ZNF565: variants seen among roughly 807,000 people sequenced by gnomAD.
The protein encoded by ZNF565 is zinc finger protein 565.
A neutral mutation model predicts 39.4 loss-of-function variants in ZNF565; 27 were observed. The observed-to-expected ratio is 0.69, with a 90% CI of 0.51 to 0.95. The LOEUF (loss-of-function observed/expected upper bound fraction) is 0.95. Ranked by LOEUF, ZNF565 falls within the 40% of genes least tolerant of loss-of-function variation. The pLI is 0.00. For synonymous variants in ZNF565, 185 were observed against 216.6 expected (o/e 0.85, Z 1.28); for missense variants, 524 against 621.1 (o/e 0.84, Z 1.66).
In ZNF565 at chr19:36,193,471, C is replaced by T. The variant is rs367554794; in HGVS notation, c.232+762G>A. Among the ~76,000 whole-genome samples, 85 of 142,064 alleles carry T rather than the reference C, an allele frequency of 6.0e-4. 1 individual carries two copies. The South Asian group carries it at 0.018, about 29-fold the overall frequency. The allele number at this position is 142,064 out of a possible 152,430, so 93.2% of individuals were successfully genotyped here. A position where few individuals can be genotyped will look rare whatever the true frequency, so the allele number is the denominator to read the frequency against. On this transcript the variant is annotated intron_variant, in intron 4 of 4. Coordinates refer to ENST00000304116, the MANE Select transcript of ZNF565 (RefSeq NM_152477.5). ...TTTTTTTTTTTTTGAGACAGAGTCT[C>T]GCTCTGTTGCCCAGGCTGGAGTGCA...
intron 1 of ZNF565, among the ~76,000 whole-genome samples, chr19:36,231,384 A>G (rs1182326645): frequency 6.6e-6 from 1 of 151,670 alleles, no homozygotes; most frequent in African/African-American, 2.4e-5. Context: ...TAATTTTTGT[A>G]TTTTTTTGGT....
At chr19:36,223,848 T>TA (rs879808394) in intron 1 of ZNF565, among the ~76,000 whole-genome samples, 256 of 146,250 alleles carry the variant, frequency 1.8e-3, no homozygotes, top group African/African-American at 3.0e-3. Flanking sequence ...CTCGCTAATT[T>TA]AAAAAAAAAA....
chr19:36,205,303 G>A (rs1016576160), intron 1 of ZNF565, among the ~76,000 whole-genome samples: 24 of 151,800 alleles, frequency 1.6e-4, no homozygotes, highest in Admixed American at 4.6e-4. Context: ...CGAGGCAGGC[G>A]GATTACCTGA....
At chr19:36,236,294 C>T (rs1977641689) in intron 1 of ZNF565, 1 of 943,844 alleles carries the variant, frequency 1.1e-6, no homozygotes, top group African/African-American at 1.7e-5. Context: ...AAACCTTATC[C>T]CTTACTCTGC....
In ZNF565 at chr19:36,245,913, A is replaced by C. The variant is rs1476488027; in HGVS notation, c.-383T>G. Reference sequence around the variant, plus strand: ...CGACCGGGATCGCCCCGCGAGATGCAGTCGTTGAGGGAGTCAGGAGCCCGG... The same window carrying C: ...CGACCGGGATCGCCCCGCGAGATGCCGTCGTTGAGGGAGTCAGGAGCCCGG... On this transcript the variant is annotated 5_prime_UTR_variant, in exon 1 of 5. Coordinates refer to the ZNF565 transcript ENST00000355114. This position sits in a 1 kb window ranked among gnomAD's most constrained non-coding sequence, Gnocchi z 4.4. The C allele has an allele frequency of 4.3e-6, 1 of 234,026 alleles. No homozygotes were observed. The highest frequency in any genetic ancestry group is 1.1e-4 in the East Asian group (1 of 9,026). The allele number at this position is 234,026 out of a possible 1,614,324, so 14.5% of individuals were successfully genotyped here.
intron 1 of ZNF565, among the ~76,000 whole-genome samples, chr19:36,241,913 G>A (rs1304910001): frequency 1.3e-5 from 2 of 152,026 alleles, no homozygotes; most frequent in Non-Finnish European, 2.9e-5. Context: ...AACTCTTGGA[G>A]GAAAACATAG....
intron 1 of ZNF565, among the ~76,000 whole-genome samples, chr19:36,212,344 G>A (rs994908543): frequency 6.6e-6 from 1 of 152,140 alleles, no homozygotes. Context: ...CAGACATGGT[G>A]GTTCACATCT....
In ZNF565 at chr19:36,245,395, C is replaced by T. The variant is rs1046867684; in HGVS notation, c.55+81G>A. ...CGAAGGGAGGACAGTCACTGCGACC[C>T]GGAAAGCTCCGCGCTTACGACGCCC... On this transcript the variant is annotated intron_variant, in intron 1 of 4. Transcript: ENST00000355114. This position sits in a 1 kb window ranked among gnomAD's most constrained non-coding sequence, Gnocchi z 4.4. The T allele has an allele frequency of 1.4e-6, 1 of 698,866 alleles. No individual in the cohort carries two copies. The highest frequency in any genetic ancestry group is 2.0e-5 in the Admixed American group (1 of 49,680). The allele number at this position is 698,866 out of a possible 1,614,324, so 43.3% of individuals were successfully genotyped here.
At chr19:36,236,897 G>T in intron 1 of ZNF565, 1 of 1,614,140 alleles carries the variant, frequency 6.2e-7, no homozygotes, top group South Asian at 1.1e-5. Flanking sequence ...CCATATTGGA[G>T]AGAAGCCTTT....
intron 1 of ZNF565, among the ~76,000 whole-genome samples, chr19:36,213,557 TG>T (rs1401137730): frequency 1.3e-5 from 2 of 152,144 alleles, no homozygotes; most frequent in Non-Finnish European, 2.9e-5. Flanking sequence ...AGCTAATTTT[TG>T]TATTTTTAGT....
At chr19:36,227,883 C>T (rs746340108) in intron 1 of ZNF565, among the ~76,000 whole-genome samples, 9 of 152,088 alleles carry the variant, frequency 5.9e-5, no homozygotes, top group African/African-American at 9.7e-5. Flanking sequence ...AAATAGGACA[C>T]GGCACGGTGG....
chr19:36,231,471 A>T (rs1485110422), intron 1 of ZNF565, among the ~76,000 whole-genome samples: 1 of 152,128 alleles, frequency 6.6e-6, no homozygotes, highest in African/African-American at 2.4e-5. Flanking sequence ...AGCCTCTCAA[A>T]GTGCTAGGAT....
intron 1 of ZNF565, among the ~76,000 whole-genome samples, chr19:36,224,319 T>C (rs1599968028): frequency 6.6e-6 from 1 of 152,090 alleles, no homozygotes; most frequent in Admixed American, 6.5e-5. Context: ...AGGGCGGAGG[T>C]TGCAGTGAGC....
At chr19:36,228,176 AAG>A (rs1272058693) in intron 1 of ZNF565, among the ~76,000 whole-genome samples, 5 of 151,432 alleles carry the variant, frequency 3.3e-5, no homozygotes, top group Non-Finnish European at 5.9e-5. Context: ...AAAAAAAAAA[AAG>A]AAAGAATTTC....
Position 36,183,645 on chromosome 19 carries a change from GCATTTAAGGCTTTC to G in ZNF565, c.307_320del (p.Glu103GlnfsTer2). The G allele has an allele frequency of 1.9e-6, 3 of 1,614,122 alleles. No individual in the cohort carries two copies. The highest frequency in any genetic ancestry group is 2.5e-6 in the Non-Finnish European group (3 of 1,180,026). On this transcript the variant is annotated frameshift_variant, in exon 5 of 5. Coordinates refer to ENST00000304116, the MANE Select transcript of ZNF565 (RefSeq NM_152477.5). LOFTEE classifies it low-confidence loss of function (END_TRUNC). Reference sequence around the variant, plus strand: ...TAAAATCGGAGCCCTCCAGGTCACTGCATTTAAGGCTTTCCATTATCTCCCAGTTGAATGCCCCG... The same window carrying G: ...TAAAATCGGAGCCCTCCAGGTCACTGCATTATCTCCCAGTTGAATGCCCCG...
upstream of ZNF565, among the ~76,000 whole-genome samples, chr19:36,217,417 C>T (rs577240859): frequency 3.3e-5 from 5 of 152,040 alleles, no homozygotes; most frequent in African/African-American, 1.2e-4. Flanking sequence ...AAAAGAAAAA[C>T]AGTTCATGCC....
chr19:36,236,119 T>C (rs567440846), intron 1 of ZNF565: 9 of 253,914 alleles, frequency 3.5e-5, no homozygotes, highest in African/African-American at 1.8e-4. Flanking sequence ...AACCCTGTGC[T>C]TCTAAGGAGT....
At chr19:36,195,303 G>A (rs56206115) in intron 2 of ZNF565, 147 bp from the exon 3 acceptor site, 185,922 of 934,322 alleles carry the variant, frequency 0.2, 20,086 homozygotes, top group Admixed American at 0.21. Flanking sequence ...TTAACAAGGT[G>A]TACCCTGTTT....
At chr19:36,225,961 G>T (rs1412658994) in intron 1 of ZNF565, among the ~76,000 whole-genome samples, 1 of 151,572 alleles carries the variant, frequency 6.6e-6, no homozygotes, top group Non-Finnish European at 1.5e-5. Context: ...CAGAGATGGG[G>T]TCTTGCCATG....
Sources: gnomAD v4.1 joint callset for allele counts (sites outside exome capture counted in the v4.1 genomes callset) on GRCh38, gnomAD v4.1.1 for gene constraint, Gnocchi (gnomAD v3.1) non-coding constraint, MANE v1.5 for transcripts, NCBI Gene and HGNC (gene_info 2026-07-23, HGNC 2026-07-21) for gene names.